NLRC3: variants seen among roughly 807,000 people sequenced by gnomAD.
NLRC3 encodes the protein NLR family CARD domain containing 3.
In NLRC3, 87 loss-of-function variants were observed where a neutral mutation model predicts 91.6. The ratio of observed to expected loss-of-function variants is 0.95; its 90% CI spans 0.80 to 1.14. The LOEUF is 1.14. NLRC3 is among the 50% of genes most tolerant of loss of function. The pLI, the probability that NLRC3 is intolerant of heterozygous loss-of-function variation, is 0.00. For missense variants in NLRC3, 1,577 were observed against 1,418.6 expected (o/e 1.11, Z -1.79); for synonymous variants, 694 against 625.3 (o/e 1.11, Z -1.64).
chr16:3,543,454 C>T lies in NLRC3; in HGVS notation c.2910G>A (p.Leu970=), dbSNP rs780123823. The T allele has an allele frequency of 1.9e-6, 3 of 1,613,094 alleles. No individual in the cohort carries two copies. In the Admixed American group the frequency reaches 5.0e-5, roughly 27 times the overall value. Residue 970 remains leucine, a synonymous_variant, in exon 17 of 20, where the codon TTG becomes TTA. Transcript: ENST00000359128. ...ASGAQVLGEA[L]AVNRTLEILD... is the part of the protein sequence containing the mutation. ...GAATCTCCAAGGTTCTGTTCACAGC[C>T]AAGGCTTCCCCTAGCACCTGGGCGC...
chr16:3,561,676 C>T, intron 6 of NLRC3, 26 bp downstream of exon 6: 1 of 1,543,514 alleles, frequency 6.5e-7, no homozygotes, highest in Non-Finnish European at 9.0e-7. Context: ...CATAGGCACC[C>T]TGGAGGTCCC....
Position 3,550,431 on chromosome 16 carries a change from C to T in NLRC3, c.2418G>A (p.Gln806=). The change falls in exon 11 of 20, where the codon CAG becomes CAA. Residue 806 remains glutamine, a synonymous_variant. Transcript: ENST00000359128. ...KALAEALKVN[Q]GLESLDLQSN... ...GGACTCACTCCAGGCTCTCCAGGCC[C>T]TGGTTCACCTTCAGGGCCTCAGCCA... 6.2e-7 allele frequency: 1 copy of T among 1,612,622 alleles called. No individual in the cohort carries two copies. Among genetic ancestry groups the T allele is most frequent in the African/African-American group, 1.3e-5 (1 of 75,040 alleles).
rs577114069 is a variant in NLRC3, at chr16:3,555,093, G to C, written c.2184-768C>G. Among the ~76,000 whole-genome samples, 17 of 152,142 alleles carry C rather than the reference G, an allele frequency of 1.1e-4. 1 individual carries two copies. Among genetic ancestry groups the C allele is most frequent in the African/African-American group, 4.1e-4 (17 of 41,494 alleles). On this transcript the variant is annotated intron_variant, in intron 8 of 19. Coordinates refer to ENST00000359128, the MANE Select transcript of NLRC3 (RefSeq NM_178844.4). ...AAAAATACAAAAATTAGCTGGGTGT[G>C]GTGGCACATGCCTGTAATCCCAGCT...
At chr16:3,568,445 T>C (rs2039968103) in intron 1 of NLRC3, among the ~76,000 whole-genome samples, 1 of 152,196 alleles carries the variant, frequency 6.6e-6, no homozygotes, top group South Asian at 2.1e-4. Context: ...GATTTTGGGC[T>C]AGGCACAGTG....
rs1040934801 is a variant in NLRC3 at position 3,563,189 on chromosome 16, A to G, written c.1748T>C (p.Val583Ala). 6.3e-7 allele frequency: 1 copy of G among 1,595,024 alleles called. No individual in the cohort carries two copies. The highest frequency in any genetic ancestry group is 1.3e-5 in the African/African-American group (1 of 74,776). The stretch of plus-strand genomic sequence containing the variant: ...GGCCCCGCTCTCCATGGCCTCCTCC[A>G]CGCTGCGGGCCAGCTCGGTGTGCTG... ...ELQHTELARS[V>A]EEAMESGALA... Residue 583 changes from valine to alanine, a missense_variant, in exon 5 of 20, where the codon GTG (valine) becomes GCG (alanine). Val to Ala is a moderately conservative substitution (Grantham distance 64, BLOSUM62 0). Transcript: ENST00000359128.
rs373027962 is a variant in NLRC3, at chr16:3,542,270, G to C, written c.3028C>G (p.Gln1010Glu). 12 of 1,580,522 alleles carry C rather than the reference G, an allele frequency of 7.6e-6. No individual in the cohort carries two copies. The African/African-American group carries it at 1.6e-4, about 21-fold the overall frequency. Residue 1010 changes from glutamine to glutamate, a missense_variant, in exon 19 of 20, where the codon CAA (glutamine) becomes GAA (glutamate). By Grantham distance (29) the Gln-to-Glu change is conservative. Transcript: ENST00000359128. ...VNSSLRRLNL[Q>E]ENSLGMDGAI... ...CCGTCCATCCCCAGAGAATTCTCTT[G>C]AAGACTAAGTGGAAAAGAGATGGAG...
chr16:3,576,876 G>A (rs1344795762), intron 1 of NLRC3, among the ~76,000 whole-genome samples: 1 of 152,014 alleles, frequency 6.6e-6, no homozygotes, highest in Non-Finnish European at 1.5e-5. Context: ...CACCATGTTG[G>A]CCAGGCTAGT....
chr16:3,554,611 A>C (rs1442897214), intron 8 of NLRC3, among the ~76,000 whole-genome samples: 1 of 152,120 alleles, frequency 6.6e-6, no homozygotes, highest in Non-Finnish European at 1.5e-5. Flanking sequence ...GCTGAAAGAC[A>C]CAGGATCCAA....
chr16:3,557,552 G>C, intron 7 of NLRC3, 41 bp downstream of exon 7: 1 of 1,328,374 alleles, frequency 7.5e-7, no homozygotes, highest in Non-Finnish European at 1.1e-6. Context: ...AACTCTTCTG[G>C]TTCCAATGGC....
At chr16:3,541,947 G>A (rs1293866022) in intron 19 of NLRC3, 32 bp from the exon 20 acceptor site, 3 of 1,311,782 alleles carry the variant, frequency 2.3e-6, no homozygotes, top group Middle Eastern at 1.8e-4. Flanking sequence ...AGGGCTCAAA[G>A]CCTGCAGGTT....
chr16:3,569,397 A>ATATATATTT (rs2040013749), intron 1 of NLRC3, among the ~76,000 whole-genome samples: 2 of 41,046 alleles, frequency 4.9e-5, no homozygotes, highest in African/African-American at 2.5e-4. Flanking sequence ...TATATATATT[A>ATATATATTT]TTTTTTTTTT....
chr16:3,549,357 G>GCATAGT, intron 12 of NLRC3, 132 bp from the exon 13 acceptor site: 1 of 721,204 alleles, frequency 1.4e-6, no homozygotes, highest in South Asian at 1.7e-5. Context: ...CATAGTCTGG[G>GCATAGT]CTGAGGTGTG....
At chr16:3,556,318 C>CAAAAAAAA (rs199528753) in intron 8 of NLRC3, among the ~76,000 whole-genome samples, 7 of 38,780 alleles carry the variant, frequency 1.8e-4, no homozygotes, top group Non-Finnish European at 2.6e-4. Context: ...GAATCCGTCT[C>CAAAAAAAA]AAAAAAAAAA....
At chr16:3,558,644 T>C (rs1357433463) in intron 6 of NLRC3, among the ~76,000 whole-genome samples, 1 of 152,014 alleles carries the variant, frequency 6.6e-6, no homozygotes, top group East Asian at 1.9e-4. Flanking sequence ...TCTGGGAATA[T>C]GGTGGTGGAT....
At position 3,561,687 on chromosome 16, in the gene NLRC3, CT is replaced by C; in HGVS notation, c.2015+14del. ...AGACCATAGGCACCCTGGAGGTCCCCTGGGTCTGTGTTACCTGATCTTCTGA... is the reference window on the plus strand; with the variant it reads ...AGACCATAGGCACCCTGGAGGTCCCCGGGTCTGTGTTACCTGATCTTCTGA... On this transcript the variant is annotated intron_variant, in intron 6 of 19. Transcript: ENST00000359128. 6.3e-7 allele frequency: 1 copy of C among 1,592,562 alleles called. No individual in the cohort carries two copies. The highest frequency in any genetic ancestry group is 8.6e-7 in the Non-Finnish European group (1 of 1,160,742).
rs1480232669 is a variant in NLRC3 at position 3,540,390 on chromosome 16, C to T, written c.*1435G>A. On this transcript the variant is annotated 3_prime_UTR_variant, in exon 20 of 20. Transcript: ENST00000359128. ...TTAGTTGATGAAAGCTGTTGATGTCCATTTGGATTTTTTTCCCTCCAACAC... is the reference window on the plus strand; with the variant it reads ...TTAGTTGATGAAAGCTGTTGATGTCTATTTGGATTTTTTTCCCTCCAACAC... 6.6e-6 allele frequency: 1 copy of T among 152,130 alleles called. No homozygotes were observed. The highest frequency in any genetic ancestry group is 1.5e-5 in the Non-Finnish European group (1 of 68,024). The allele number at this position is 152,130 out of a possible 1,614,324, so 9.4% of individuals were successfully genotyped here. A position where few individuals can be genotyped will look rare whatever the true frequency, so the allele number is the denominator to read the frequency against.
At chr16:3,552,614 C>A (rs2039074187) in intron 9 of NLRC3, among the ~76,000 whole-genome samples, 1 of 152,116 alleles carries the variant, frequency 6.6e-6, no homozygotes, top group Non-Finnish European at 1.5e-5. Context: ...GTCTGCCTCC[C>A]ATCTAGACCA....
intron 1 of NLRC3, among the ~76,000 whole-genome samples, chr16:3,574,641 C>T (rs2040220138): frequency 6.6e-6 from 1 of 152,124 alleles, no homozygotes; most frequent in South Asian, 2.1e-4. Flanking sequence ...ACCTTGGGTC[C>T]AGGGTTGCCA....
chr16:3,577,370 C>G lies in NLRC3; in HGVS notation c.-390G>C, dbSNP rs1335643540. On this transcript the variant is annotated 5_prime_UTR_variant, in exon 1 of 20. Coordinates refer to ENST00000359128, the MANE Select transcript of NLRC3 (RefSeq NM_178844.4). ...GCAGTGCAGCCCCGACCTTCTGCAG[C>G]CCCACCGAGCCCACCGGCTGTCCCT... The G allele has an allele frequency of 1.7e-6, 1 of 578,220 alleles. No individual in the cohort carries two copies. Among genetic ancestry groups the G allele is most frequent in the Non-Finnish European group, 3.1e-6 (1 of 325,248 alleles). The allele number at this position is 578,220 out of a possible 1,614,324, so 35.8% of individuals were successfully genotyped here. A position where few individuals can be genotyped will look rare whatever the true frequency, so the allele number is the denominator to read the frequency against.
Sources: gnomAD v4.1 joint callset for allele counts (sites outside exome capture counted in the v4.1 genomes callset) on GRCh38, gnomAD v4.1.1 for gene constraint, MANE v1.5 for transcripts, NCBI Gene and HGNC (gene_info 2026-07-23, HGNC 2026-07-21) for gene names.